RIMBP2: variants seen among roughly 807,000 people sequenced by gnomAD.
RIMBP2 encodes the protein RIMS binding protein 2, also known as RIMS-binding protein 2.
Under a neutral mutation model 118.6 loss-of-function variants are expected in RIMBP2, and 48 were observed. The ratio of observed to expected loss-of-function variants is 0.40; its 90% CI spans 0.32 to 0.51. The LOEUF (loss-of-function observed/expected upper bound fraction) is 0.51. Ranked by LOEUF, RIMBP2 falls within the 20% of genes least tolerant of loss-of-function variation. The pLI is 0.41. For synonymous variants in RIMBP2, 762 were observed against 742.9 expected (o/e 1.03, Z -0.42); for missense variants, 1,551 against 1,768.3 (o/e 0.88, Z 2.20).
chr12:130,448,577 C>G (rs1407403095), intron 9 of RIMBP2, among the ~76,000 whole-genome samples: 1 of 152,234 alleles, frequency 6.6e-6, no homozygotes, highest in South Asian at 2.1e-4. Context: ...TGGGCCTGCT[C>G]CACACACAGC....
In RIMBP2 at chr12:130,670,773, CATTT is replaced by C. The variant is rs1033443582; in HGVS notation, c.-351-42321_-351-42318del. Among the ~76,000 whole-genome samples, 7 of 152,192 alleles carry C rather than the reference CATTT, an allele frequency of 4.6e-5. No individual in the cohort carries two copies. Among genetic ancestry groups the C allele is most frequent in the African/African-American group, 1.7e-4 (7 of 41,518 alleles). On this transcript the variant is annotated intron_variant, in intron 1 of 22. Coordinates refer to ENST00000690449, the MANE Select transcript of RIMBP2 (RefSeq NM_001393629.1). This position sits in a 1 kb window ranked among gnomAD's most constrained non-coding sequence, Gnocchi z 4.9. Reference sequence around the variant, plus strand: ...GAAGATTTAGGAAGACTTTTCTTTCCATTTATTTATTTATTTATGAGATACAGTC... The same window carrying C: ...GAAGATTTAGGAAGACTTTTCTTTCCATTTATTTATTTATGAGATACAGTC...
At chr12:130,572,769 G>C (rs930919422) in intron 2 of RIMBP2, among the ~76,000 whole-genome samples, 1 of 152,000 alleles carries the variant, frequency 6.6e-6, no homozygotes, top group Non-Finnish European at 1.5e-5. Context: ...GGGAACGCTG[G>C]CACACAGCCA....
At chr12:130,610,689 TAGCTGGGACTAC>T (rs2060483768) in intron 2 of RIMBP2, among the ~76,000 whole-genome samples, 1 of 149,076 alleles carries the variant, frequency 6.7e-6, no homozygotes, top group African/African-American at 2.5e-5. Flanking sequence ...GCCTCCCAAG[TAGCTGGGACTAC>T]AGGCGCCCGC....
chr12:130,527,413 T>G (rs1009093735), intron 2 of RIMBP2, among the ~76,000 whole-genome samples: 3 of 152,230 alleles, frequency 2.0e-5, no homozygotes, highest in African/African-American at 7.2e-5. Flanking sequence ...GACTGATACA[T>G]GCTATTCCTG....
chr12:130,619,599 G>C (rs7971314), intron 2 of RIMBP2, among the ~76,000 whole-genome samples: 1 of 151,922 alleles, frequency 6.6e-6, no homozygotes, highest in Non-Finnish European at 1.5e-5. Flanking sequence ...AAATGCACAC[G>C]CACGTGTTAT....
At chr12:130,554,645 C>T (rs1433758012) in intron 2 of RIMBP2, among the ~76,000 whole-genome samples, 1 of 152,138 alleles carries the variant, frequency 6.6e-6, no homozygotes, top group Non-Finnish European at 1.5e-5. Flanking sequence ...ACGTGCTGCT[C>T]TACACATTTG....
intron 3 of RIMBP2, among the ~76,000 whole-genome samples, chr12:130,509,691 C>T (rs7954727): frequency 0.58 from 87,624 of 151,690 alleles, 27,161 homozygotes; most frequent in Non-Finnish European, 0.7. Flanking sequence ...CTCAGACTCC[C>T]AACCTCCTTT....
rs1468623263 is a variant in RIMBP2 at position 130,442,417 on chromosome 12, T to G, written c.935A>C (p.Asp312Ala). 6.2e-7 allele frequency: 1 copy of G among 1,614,022 alleles called. No homozygotes were observed. The change falls in exon 11 of 23, where the codon GAC (aspartate) becomes GCC (alanine). Residue 312 changes from aspartate to alanine, a missense_variant. By Grantham distance (126) the Asp-to-Ala change is moderately radical. Coordinates refer to ENST00000690449, the MANE Select transcript of RIMBP2 (RefSeq NM_001393629.1). This position sits in a 1 kb window ranked among gnomAD's most constrained non-coding sequence, Gnocchi z 6.9. ...GATTTTTCTAGGGTAAGGCACGATG[T>G]CTTCTCCGATGTCGTCGATGTTCAC... ...LDVNIDDIGE[D>A]IVPYPRKITL...
intron 11 of RIMBP2, among the ~76,000 whole-genome samples, chr12:130,439,809 CTG>C (rs1431216700): frequency 1.3e-5 from 1 of 79,962 alleles, no homozygotes; most frequent in Non-Finnish European, 2.3e-5. Flanking sequence ...CTATGTGAGT[CTG>C]TGGGGGTGTC....
intron 2 of RIMBP2, among the ~76,000 whole-genome samples, chr12:130,610,679 G>A (rs1233012551): frequency 2.1e-5 from 3 of 146,308 alleles, no homozygotes; most frequent in Non-Finnish European, 4.5e-5. Flanking sequence ...TCCTGCCTCA[G>A]CCTCCCAAGT....
chr12:130,528,293 C>A (rs1432857289), intron 2 of RIMBP2, among the ~76,000 whole-genome samples: 3 of 152,154 alleles, frequency 2.0e-5, no homozygotes, highest in Non-Finnish European at 2.9e-5. Flanking sequence ...ATGTCCTTTG[C>A]AGGGACATGG....
rs144800268 is a variant in RIMBP2, at chr12:130,559,524, G to A, written c.-216-41607C>T. The stretch of plus-strand genomic sequence containing the variant: ...TCTTTTCATGGCTGAATAGTACTCC[G>A]CTGTGTATATACACCACATTTCTTT... On this transcript the variant is annotated intron_variant, in intron 2 of 22. Transcript: ENST00000690449. Among the ~76,000 whole-genome samples, 110 of 152,236 alleles carry A rather than the reference G, an allele frequency of 7.2e-4. No individual in the cohort carries two copies. The South Asian group carries it at 0.011, about 15-fold the overall frequency.
chr12:130,549,782 A>G (rs1456815091), intron 2 of RIMBP2, among the ~76,000 whole-genome samples: 4 of 152,078 alleles, frequency 2.6e-5, no homozygotes, highest in African/African-American at 9.7e-5. Flanking sequence ...GGTTGATTCC[A>G]TGTCTTTGCT....
intron 1 of RIMBP2, among the ~76,000 whole-genome samples, chr12:130,708,268 T>G (rs1347298356): frequency 6.6e-6 from 1 of 152,130 alleles, no homozygotes; most frequent in Non-Finnish European, 1.5e-5. Flanking sequence ...GGCAATTTCT[T>G]TTTGAGGTGA....
chr12:130,433,013 CT>C (rs1469554695), intron 14 of RIMBP2, among the ~76,000 whole-genome samples: 4 of 152,294 alleles, frequency 2.6e-5, no homozygotes, highest in African/African-American at 9.6e-5. Context: ...GCTGGCATGG[CT>C]GCTCTGTAAA....
At chr12:130,401,947 C>G (rs532426871) in intron 21 of RIMBP2, among the ~76,000 whole-genome samples, 110 of 152,272 alleles carry the variant, frequency 7.2e-4, no homozygotes, top group Non-Finnish European at 8.7e-4. Context: ...CGTGTGTACC[C>G]CAGCCTGCAG....
In RIMBP2 at chr12:130,407,926, G is replaced by A. The variant is rs529377075; in HGVS notation, c.3590-97C>T. ...CGGGTCACACATGGCCAATACAGCC[G>A]AGACCTGGCACTGCTAACAGGGCCA... On this transcript the variant is annotated intron_variant, in intron 19 of 22. Coordinates refer to ENST00000690449, the MANE Select transcript of RIMBP2 (RefSeq NM_001393629.1). 2.6e-4 allele frequency: 284 copies of A among 1,079,794 alleles called. 1 individual carries two copies. The highest frequency in any genetic ancestry group is 1.7e-3 in the South Asian group (133 of 79,860). 66.9% of individuals were successfully genotyped at this position (1,079,794 alleles called of 1,614,324 possible).
At chr12:130,452,943 G>C (rs2079121435) in intron 7 of RIMBP2, among the ~76,000 whole-genome samples, 1 of 152,224 alleles carries the variant, frequency 6.6e-6, no homozygotes. Context: ...CATTGTGCCT[G>C]AGAAGACAAG....
chr12:130,658,456 C>G (rs1323175506), intron 1 of RIMBP2: 1 of 152,156 alleles, frequency 6.6e-6, no homozygotes, highest in African/African-American at 2.4e-5. Flanking sequence ...ATGTGGGGAA[C>G]ACGCAGCCAT....
Sources: allele counts gnomAD v4.1 joint callset (sites outside exome capture counted in the v4.1 genomes callset), GRCh38; gene constraint gnomAD v4.1.1; non-coding constraint Gnocchi (gnomAD v3.1); transcripts MANE v1.5; gene names NCBI Gene and HGNC (gene_info 2026-07-23, HGNC 2026-07-21).